Variants in NCK2 observed in about 807,000 individuals in gnomAD.
NCK2 encodes the protein NCK adaptor protein 2, also known as cytoplasmic protein NCK2.
Under a neutral mutation model 33.9 loss-of-function variants are expected in NCK2, and 16 were observed. That is an observed-to-expected ratio of 0.47 (90% CI 0.32 to 0.72). The LOEUF (loss-of-function observed/expected upper bound fraction) is 0.72. Ranked by LOEUF, NCK2 falls within the 30% of genes least tolerant of loss-of-function variation. The pLI, the probability that NCK2 is intolerant of heterozygous loss-of-function variation, is 0.03. For missense variants in NCK2, 418 were observed against 537.3 expected, an observed-to-expected ratio of 0.78 and a Z score of 2.19; for synonymous variants, 273 against 239.9, an observed-to-expected ratio of 1.14 and a Z score of -1.27.
chr2:105,886,826 G>T (rs1031019642), intron 4 of NCK2, among the ~76,000 whole-genome samples: 1 of 152,212 alleles, frequency 6.6e-6, no homozygotes, highest in African/African-American at 2.4e-5. Context: ...GACAGGGAAC[G>T]CTCCGTTTGC....
At chr2:105,776,050 G>C (rs1690287425) in intron 1 of NCK2, among the ~76,000 whole-genome samples, 1 of 152,196 alleles carries the variant, frequency 6.6e-6, no homozygotes, top group Non-Finnish European at 1.5e-5. Context: ...ATTTTGGTTT[G>C]GCCCAATTTG....
intron 2 of NCK2, among the ~76,000 whole-genome samples, chr2:105,828,935 G>T (rs1314105356): frequency 6.6e-6 from 1 of 152,062 alleles, no homozygotes; most frequent in African/African-American, 2.4e-5. Context: ...CCCAAAATAG[G>T]CATTATTTTT....
chr2:105,831,473 A>G (rs947879045), intron 2 of NCK2, among the ~76,000 whole-genome samples: 3 of 151,640 alleles, frequency 2.0e-5, no homozygotes, highest in African/African-American at 4.8e-5. Context: ...GCCCAGACCA[A>G]TGTCCTAATG....
chr2:105,826,296 C>T (rs1263683585), intron 2 of NCK2, among the ~76,000 whole-genome samples: 4 of 152,110 alleles, frequency 2.6e-5, no homozygotes, highest in Non-Finnish European at 4.4e-5. Flanking sequence ...GAAACCGCCC[C>T]CATGACTCAA....
intron 2 of NCK2, among the ~76,000 whole-genome samples, chr2:105,817,961 T>C (rs1362876325): frequency 6.6e-6 from 1 of 152,080 alleles, no homozygotes; most frequent in Non-Finnish European, 1.5e-5. Context: ...ATCATGCTGC[T>C]ATAAAGACAC....
At chr2:105,883,416 A>G (rs1428127422) in intron 4 of NCK2, among the ~76,000 whole-genome samples, 1 of 152,222 alleles carries the variant, frequency 6.6e-6, no homozygotes, top group African/African-American at 2.4e-5. Context: ...AGGGCTAAGT[A>G]TAATGCACAA....
At chr2:105,851,755 A>G (rs1207829119) in intron 2 of NCK2, 4 of 152,276 alleles carry the variant, frequency 2.6e-5, no homozygotes, top group Non-Finnish European at 5.9e-5. Context: ...GTCTGGTGTG[A>G]CTTAGTTTTT....
chr2:105,754,687 T>A (rs1689552386), intron 1 of NCK2, among the ~76,000 whole-genome samples: 2 of 152,118 alleles, frequency 1.3e-5, no homozygotes, highest in Admixed American at 1.3e-4. Flanking sequence ...ACTTTTTTTT[T>A]TTTTTTTTAA....
At chr2:105,809,256 C>T (rs6707820) in intron 1 of NCK2, among the ~76,000 whole-genome samples, 37,435 of 151,946 alleles carry the variant, frequency 0.25, 6,752 homozygotes, top group African/African-American at 0.5. Context: ...GTTCCTGTTG[C>T]GTGTGTCATA....
chr2:105,767,095 G>A (rs1056073012), intron 1 of NCK2, among the ~76,000 whole-genome samples: 2 of 152,182 alleles, frequency 1.3e-5, no homozygotes, highest in African/African-American at 2.4e-5. Context: ...CTGGGTTCCT[G>A]GTGCCTGCTT....
chr2:105,848,476 C>T (rs536788703), intron 2 of NCK2: 1 of 152,330 alleles, frequency 6.6e-6, no homozygotes, highest in Non-Finnish European at 1.5e-5. Flanking sequence ...TCCAAAATAA[C>T]ATACTGAGCA....
chr2:105,839,661 A>C (rs908576007), intron 2 of NCK2, among the ~76,000 whole-genome samples: 8 of 152,214 alleles, frequency 5.3e-5, no homozygotes, highest in African/African-American at 1.9e-4. Context: ...TTTGAAGTGC[A>C]TGTTAGACAT....
intron 1 of NCK2, among the ~76,000 whole-genome samples, chr2:105,747,853 G>A (rs1294244773): frequency 6.6e-6 from 1 of 152,196 alleles, no homozygotes; most frequent in Non-Finnish European, 1.5e-5. Context: ...CTCAGAAGAA[G>A]GTCGTGACGG....
intron 2 of NCK2, among the ~76,000 whole-genome samples, chr2:105,832,680 T>C (rs1236639023): frequency 2.7e-5 from 4 of 150,330 alleles, no homozygotes; most frequent in East Asian, 2.0e-4. Context: ...CTTTTTGATA[T>C]GCTGTTGGAT....
intron 2 of NCK2, among the ~76,000 whole-genome samples, chr2:105,819,514 T>C (rs1380128909): frequency 6.6e-6 from 1 of 152,150 alleles, no homozygotes; most frequent in Non-Finnish European, 1.5e-5. Context: ...ACTACTTCTT[T>C]AGAAAGGTCT....
At chr2:105,804,440 G>T (rs1364972373) in intron 1 of NCK2, among the ~76,000 whole-genome samples, 1 of 152,160 alleles carries the variant, frequency 6.6e-6, no homozygotes, top group Non-Finnish European at 1.5e-5. Flanking sequence ...TCTGGTTTTG[G>T]CTTTGGAAAT....
At chr2:105,759,128 T>C (rs1689682019) in intron 1 of NCK2, among the ~76,000 whole-genome samples, 1 of 152,202 alleles carries the variant, frequency 6.6e-6, no homozygotes, top group Admixed American at 6.5e-5. Flanking sequence ...ATTTTAAAGG[T>C]TGATCGAATA....
chr2:105,765,365 A>C (rs888422655), intron 1 of NCK2, among the ~76,000 whole-genome samples: 2 of 152,208 alleles, frequency 1.3e-5, no homozygotes, highest in African/African-American at 4.8e-5. Context: ...ATGGCCCTTG[A>C]ATTTCAGGGA....
intron 1 of NCK2, among the ~76,000 whole-genome samples, chr2:105,776,688 T>TTTTA (rs1381645595): frequency 6.6e-6 from 1 of 152,076 alleles, no homozygotes; most frequent in Non-Finnish European, 1.5e-5. Context: ...GCCTCCCTCG[T>TTTTA]TTTAGCTCAG....
Sources: allele counts gnomAD v4.1 joint callset (sites outside exome capture counted in the v4.1 genomes callset), GRCh38; gene constraint gnomAD v4.1.1; transcripts MANE v1.5; gene names NCBI Gene and HGNC (gene_info 2026-07-23, HGNC 2026-07-21).